EBF1: variants seen among roughly 807,000 people sequenced by gnomAD.
The protein encoded by EBF1 is transcription factor COE1.
EBF1 carries 10 observed loss-of-function variants against 68.4 expected under a neutral mutation model. The observed-to-expected ratio is 0.15, with a 90% CI of 0.09 to 0.25. EBF1 has a LOEUF of 0.25. EBF1 is among the 10% of genes least tolerant of loss of function. EBF1 has a pLI of 1.00. For synonymous variants in EBF1, 298 were observed against 299.8 expected, an observed-to-expected ratio of 0.99 and a Z score of 0.06; for missense variants, 509 against 794.4, an observed-to-expected ratio of 0.64 and a Z score of 4.32.
At chr5:159,044,225 T>C (rs955844214) in intron 6 of EBF1, among the ~76,000 whole-genome samples, 1 of 152,226 alleles carries the variant, frequency 6.6e-6, no homozygotes, top group Admixed American at 6.5e-5. Flanking sequence ...ATTTAATTCA[T>C]CTTAAGTGTA....
At chr5:158,913,688 C>G (rs545023467) in intron 6 of EBF1, among the ~76,000 whole-genome samples, 1 of 152,294 alleles carries the variant, frequency 6.6e-6, no homozygotes, top group South Asian at 2.1e-4. Flanking sequence ...AGGCAGGGAG[C>G]AGGCCCTCCA....
chr5:158,969,910 AAGAAAG>A (rs1755205579), intron 6 of EBF1, among the ~76,000 whole-genome samples: 8 of 107,306 alleles, frequency 7.5e-5, no homozygotes, highest in East Asian at 2.2e-4. Flanking sequence ...GAAAGAAAGA[AAGAAAG>A]AAAAAAAAAA....
At chr5:159,056,521 A>G (rs1774755620) in intron 6 of EBF1, among the ~76,000 whole-genome samples, 2 of 152,210 alleles carry the variant, frequency 1.3e-5, no homozygotes, top group Admixed American at 1.3e-4. Flanking sequence ...AATTTCTCTC[A>G]GCACCATACC....
intron 6 of EBF1, among the ~76,000 whole-genome samples, chr5:158,923,121 T>C (rs1808814441): frequency 6.6e-6 from 1 of 152,168 alleles, no homozygotes; most frequent in Admixed American, 6.5e-5. Context: ...CGTTAGCCTC[T>C]TCATCAAAGC....
rs375782261 is a variant in EBF1 at position 158,838,199 on chromosome 5, A to G, written c.636+1830T>C. Among the ~76,000 whole-genome samples, 6 of 152,240 alleles carry G rather than the reference A, an allele frequency of 3.9e-5. No homozygotes were observed. In the East Asian group the frequency reaches 1.2e-3, roughly 29 times the overall value. On this transcript the variant is annotated intron_variant, in intron 7 of 15. Transcript: ENST00000313708. ...AGTGGCTCACGCCTGTAATTCCAGC[A>G]CTTTGGGAGGCCGAGACAAGCAGAT...
chr5:159,094,086 C>T (rs1472062798), intron 4 of EBF1, among the ~76,000 whole-genome samples: 1 of 120,488 alleles, frequency 8.3e-6, no homozygotes, highest in African/African-American at 3.2e-5. Flanking sequence ...CAAAACTCCA[C>T]TTAAGACATT....
At chr5:158,843,203 A>G (rs1790678067) in intron 6 of EBF1, among the ~76,000 whole-genome samples, 1 of 152,134 alleles carries the variant, frequency 6.6e-6, no homozygotes, top group Admixed American at 6.5e-5. Flanking sequence ...TGTTTAAGCC[A>G]TTTGAGCCCA....
chr5:158,892,571 G>A (rs892215380), intron 6 of EBF1, among the ~76,000 whole-genome samples: 2 of 152,278 alleles, frequency 1.3e-5, no homozygotes, highest in South Asian at 2.1e-4. Flanking sequence ...GGCCTCATGC[G>A]ATGGGGTCGC....
chr5:159,020,971 A>G (rs922113068), intron 6 of EBF1, among the ~76,000 whole-genome samples: 1 of 152,256 alleles, frequency 6.6e-6, no homozygotes, highest in Non-Finnish European at 1.5e-5. Flanking sequence ...CTTATTTGCA[A>G]TGAACACCTT....
chr5:158,915,554 C>T (rs537801145), intron 6 of EBF1, among the ~76,000 whole-genome samples: 1 of 152,222 alleles, frequency 6.6e-6, no homozygotes, highest in South Asian at 2.1e-4. Context: ...ATTAATTGGA[C>T]ATTTATGTAA....
chr5:159,098,784 G>A (rs1180590404), intron 1 of EBF1, among the ~76,000 whole-genome samples: 2 of 122,920 alleles, frequency 1.6e-5, no homozygotes, highest in African/African-American at 6.2e-5. Context: ...AAGGAGAAGA[G>A]AAGAAAATAA....
At chr5:158,811,726 G>C (rs764609099) in intron 8 of EBF1, among the ~76,000 whole-genome samples, 2 of 152,186 alleles carry the variant, frequency 1.3e-5, no homozygotes, top group Non-Finnish European at 2.9e-5. Context: ...GTTAGCTCAT[G>C]ATTAAGAAAC....
intron 11 of EBF1, among the ~76,000 whole-genome samples, chr5:158,719,919 GA>G (rs201965044): frequency 6.8e-5 from 10 of 147,952 alleles, no homozygotes; most frequent in South Asian, 4.3e-4. Context: ...GATTGAAACA[GA>G]AAAAAAAAAC....
intron 6 of EBF1, among the ~76,000 whole-genome samples, chr5:159,068,478 T>C (rs1777243218): frequency 6.6e-6 from 1 of 152,136 alleles, no homozygotes; most frequent in Non-Finnish European, 1.5e-5. Flanking sequence ...TATGGGCATA[T>C]ATGTTATATA....
At chr5:158,796,253 C>T in intron 9 of EBF1, 92 bp downstream of exon 9, 3 of 1,360,698 alleles carry the variant, frequency 2.2e-6, no homozygotes, top group East Asian at 2.6e-5. Flanking sequence ...AGCGGCACCA[C>T]TAGAGTCTAC....
At chr5:159,073,594 G>A (rs992984647) in intron 5 of EBF1, 130 bp from the exon 6 acceptor site, 32 of 909,708 alleles carry the variant, frequency 3.5e-5, no homozygotes, top group East Asian at 1.5e-4. Context: ...GGCAATCAAC[G>A]GATCCCTGGG....
intron 6 of EBF1, among the ~76,000 whole-genome samples, chr5:159,037,611 T>A (rs1392867146): frequency 1.6e-5 from 2 of 125,646 alleles, no homozygotes; most frequent in Admixed American, 8.2e-5. Context: ...AACAATGAGA[T>A]CACATGGACA....
intron 6 of EBF1, among the ~76,000 whole-genome samples, chr5:158,976,709 C>T (rs1236431678): frequency 6.6e-6 from 1 of 152,046 alleles, no homozygotes; most frequent in Non-Finnish European, 1.5e-5. Flanking sequence ...ATTATAATTG[C>T]CATGCCAAAA....
intron 6 of EBF1, among the ~76,000 whole-genome samples, chr5:158,844,188 C>CTTTTTTTTT (rs10640628): frequency 7.9e-6 from 1 of 126,344 alleles, no homozygotes; most frequent in East Asian, 2.2e-4. Context: ...TAACTCAAGC[C>CTTTTTTTTT]TTTTTTTTTT....
Sources: gnomAD v4.1 joint callset for allele counts (sites outside exome capture counted in the v4.1 genomes callset) on GRCh38, gnomAD v4.1.1 for gene constraint, MANE v1.5 for transcripts, NCBI Gene and HGNC (gene_info 2026-07-23, HGNC 2026-07-21) for gene names.